The following PCDH15 variants were observed in gnomAD, a reference collection of about 807,000 sequenced individuals.
The protein encoded by PCDH15 is protocadherin related 15.
Under a neutral mutation model 178.5 loss-of-function variants are expected in PCDH15, and 129 were observed. The ratio of observed to expected loss-of-function variants is 0.72; its 90% CI spans 0.63 to 0.84. The LOEUF (loss-of-function observed/expected upper bound fraction) is 0.84. Ranked by LOEUF, PCDH15 falls within the 40% of genes least tolerant of loss-of-function variation. PCDH15 has a pLI of 0.00. For missense variants in PCDH15, 2,230 were observed against 2,099.9 expected (o/e 1.06, Z -1.21); for synonymous variants, 800 against 732.0 (o/e 1.09, Z -1.50).
chr10:55,455,774 T>C (rs976702929), intron 2 of PCDH15, among the ~76,000 whole-genome samples: 11 of 152,074 alleles, frequency 7.2e-5, no homozygotes, highest in African/African-American at 2.2e-4. Context: ...AATTAATCTA[T>C]TGATATGTTT....
Position 53,806,520 on chromosome 10 carries a change from A to C in PCDH15, c.*59T>G, listed in dbSNP as rs1406560822. On this transcript the variant is annotated 3_prime_UTR_variant, in exon 38 of 38. Coordinates refer to ENST00000644397, the MANE Select transcript of PCDH15 (RefSeq NM_001384140.1). ...ACATTGTTTTCTCAGTGACAATAAA[A>C]AGCACAGTTTATTAAAAATGTAAGT... is the stretch of plus-strand genomic sequence containing the variant. 1 of 1,358,444 alleles carries C rather than the reference A, an allele frequency of 7.4e-7. No homozygotes were observed. The highest frequency in any genetic ancestry group is 1.0e-6 in the Non-Finnish European group (1 of 1,000,946). The allele number at this position is 1,358,444 out of a possible 1,614,324, so 84.1% of individuals were successfully genotyped here. A position where few individuals can be genotyped will look rare whatever the true frequency, so the allele number is the denominator to read the frequency against.
intron 21 of PCDH15, among the ~76,000 whole-genome samples, chr10:53,974,486 A>T (rs1443760661): frequency 1.3e-5 from 2 of 152,156 alleles, no homozygotes; most frequent in Non-Finnish European, 2.9e-5. Context: ...AGAAATTAAA[A>T]ATTTTATAAA....
intron 2 of PCDH15, among the ~76,000 whole-genome samples, chr10:54,940,168 A>G (rs1179191662): frequency 2.0e-5 from 3 of 152,122 alleles, no homozygotes; most frequent in Non-Finnish European, 4.4e-5. Context: ...AAATATATAT[A>G]CTTACAGATA....
chr10:54,607,346 A>G (rs776634458), intron 2 of PCDH15, among the ~76,000 whole-genome samples: 6 of 152,094 alleles, frequency 3.9e-5, no homozygotes, highest in Non-Finnish European at 7.4e-5. Flanking sequence ...TATTCTTGGT[A>G]GAGGATTCTG....
chr10:55,464,260 G>C (rs1411851873), intron 2 of PCDH15, among the ~76,000 whole-genome samples: 3 of 152,088 alleles, frequency 2.0e-5, no homozygotes, highest in Non-Finnish European at 4.4e-5. Flanking sequence ...CAATGATGCT[G>C]AGAAACATCA....
intron 2 of PCDH15, among the ~76,000 whole-genome samples, chr10:55,598,260 C>T (rs967394585): frequency 4.0e-5 from 6 of 151,658 alleles, no homozygotes; most frequent in African/African-American, 1.2e-4. Context: ...AAATATACTA[C>T]GAAAGGGACT....
intron 2 of PCDH15, among the ~76,000 whole-genome samples, chr10:54,564,562 G>T (rs1267327313): frequency 6.6e-6 from 1 of 151,960 alleles, no homozygotes; most frequent in Non-Finnish European, 1.5e-5. Context: ...CCAATTTACT[G>T]CTTGAATTTA....
chr10:54,662,292 T>C (rs376121557), intron 2 of PCDH15, among the ~76,000 whole-genome samples: 32 of 151,938 alleles, frequency 2.1e-4, no homozygotes, highest in African/African-American at 7.5e-4. Flanking sequence ...AACAAACATA[T>C]GAAAAAACAT....
chr10:55,477,218 A>G (rs1421428061), intron 2 of PCDH15, among the ~76,000 whole-genome samples: 1 of 151,782 alleles, frequency 6.6e-6, no homozygotes, highest in Admixed American at 6.6e-5. Context: ...CCTAGATAGG[A>G]GAAAAGCATT....
At chr10:54,671,082 C>A (rs2094658389) in intron 1 of PCDH15, among the ~76,000 whole-genome samples, 1 of 151,838 alleles carries the variant, frequency 6.6e-6, no homozygotes, top group African/African-American at 2.4e-5. Context: ...AAGGAGCAAG[C>A]AAAGGGAAAT....
intron 3 of PCDH15, among the ~76,000 whole-genome samples, chr10:54,437,939 C>T (rs1355205033): frequency 6.6e-6 from 1 of 152,136 alleles, no homozygotes; most frequent in African/African-American, 2.4e-5. Context: ...TTTTTCCCAT[C>T]ACTTGAGAAT....
intron 3 of PCDH15, among the ~76,000 whole-genome samples, chr10:54,436,659 C>A (rs1417422855): frequency 6.6e-6 from 1 of 152,016 alleles, no homozygotes; most frequent in Admixed American, 6.6e-5. Context: ...TCTGATCATC[C>A]TTAACCTACA....
chr10:55,466,402 C>A (rs1277175739), intron 2 of PCDH15, among the ~76,000 whole-genome samples: 1 of 151,920 alleles, frequency 6.6e-6, no homozygotes, highest in Non-Finnish European at 1.5e-5. Flanking sequence ...ATGTGATGAT[C>A]CACAATAAAT....
chr10:54,170,217 T>C (rs1590932563), intron 13 of PCDH15, among the ~76,000 whole-genome samples: 1 of 150,376 alleles, frequency 6.6e-6, no homozygotes, highest in Admixed American at 6.7e-5. Flanking sequence ...ACACGTGCTC[T>C]CCCTGCCAAT....
intron 2 of PCDH15, among the ~76,000 whole-genome samples, chr10:55,530,670 C>T (rs1027069164): frequency 6.6e-6 from 1 of 151,834 alleles, no homozygotes; most frequent in African/African-American, 2.4e-5. Flanking sequence ...TAAATATAAA[C>T]ATCATTTATT....
intron 4 of PCDH15, among the ~76,000 whole-genome samples, chr10:54,371,152 T>G (rs777714076): frequency 2.0e-4 from 30 of 151,758 alleles, no homozygotes; most frequent in Non-Finnish European, 1.9e-4. Flanking sequence ...TAAGTCATAA[T>G]AATGGGTTAC....
chr10:55,143,631 AT>A (rs201740002), intron 2 of PCDH15, among the ~76,000 whole-genome samples: 3 of 151,740 alleles, frequency 2.0e-5, no homozygotes, highest in South Asian at 4.2e-4. Context: ...TAACATTTGA[AT>A]TTTTTTTTCT....
chr10:54,341,189 A>G (rs900533260), intron 6 of PCDH15, among the ~76,000 whole-genome samples: 3 of 152,048 alleles, frequency 2.0e-5, no homozygotes, highest in Non-Finnish European at 4.4e-5. Flanking sequence ...TCTAGTTGAT[A>G]TGGTTTGGCT....
intron 8 of PCDH15, among the ~76,000 whole-genome samples, chr10:54,262,795 T>C (rs930697244): frequency 1.4e-4 from 22 of 152,216 alleles, no homozygotes; most frequent in African/African-American, 5.3e-4. Flanking sequence ...TAGCTTTTTT[T>C]CCAGGGAGTA....
Sources: allele counts gnomAD v4.1 joint callset (sites outside exome capture counted in the v4.1 genomes callset), GRCh38; gene constraint gnomAD v4.1.1; transcripts MANE v1.5; gene names NCBI Gene and HGNC (gene_info 2026-07-23, HGNC 2026-07-21).